The following LRRC4C variants were observed in gnomAD, a reference collection of about 807,000 sequenced individuals.
LRRC4C encodes leucine-rich repeat-containing protein 4C.
LRRC4C carries 5 observed loss-of-function variants against 33.6 expected under a neutral mutation model. The ratio of observed to expected loss-of-function variants is 0.15; its 90% CI spans 0.08 to 0.31. The LOEUF (loss-of-function observed/expected upper bound fraction) is 0.31, where lower values mean the gene tolerates loss of function less well. Among genes scored for constraint, LRRC4C ranks in the 10% least tolerant of loss-of-function variants. The probability of loss-of-function intolerance (pLI) is 1.00; values close to 1 mark genes in which losing one functional copy is unlikely to be tolerated. For synonymous variants in LRRC4C, 329 were observed against 302.0 expected (o/e 1.09, Z -0.93); for missense variants, 560 against 796.7 (o/e 0.70, Z 3.58).
chr11:40,683,378 T>C (rs899507223), intron 2 of LRRC4C, among the ~76,000 whole-genome samples: 2 of 152,316 alleles, frequency 1.3e-5, no homozygotes, highest in East Asian at 3.9e-4. Context: ...TAGGGACTGT[T>C]GCCTAATATA....
chr11:41,032,886 A>G (rs1360575984), intron 1 of LRRC4C, among the ~76,000 whole-genome samples: 1 of 152,058 alleles, frequency 6.6e-6, no homozygotes, highest in South Asian at 2.1e-4. Context: ...TTATTCACTC[A>G]TTCAGTCATA....
intron 3 of LRRC4C, among the ~76,000 whole-genome samples, chr11:40,370,180 C>T (rs753997780): frequency 6.6e-6 from 1 of 152,102 alleles, no homozygotes; most frequent in Non-Finnish European, 1.5e-5. Context: ...GAATTCAACA[C>T]CTGTGAAGAT....
chr11:41,262,217 T>A (rs1475918296), intron 1 of LRRC4C, among the ~76,000 whole-genome samples: 3 of 151,976 alleles, frequency 2.0e-5, no homozygotes, highest in Admixed American at 6.6e-5. Flanking sequence ...AATTAAAAAA[T>A]TTTCCAGTGA....
chr11:40,899,089 G>T (rs1010736257), intron 2 of LRRC4C, among the ~76,000 whole-genome samples: 2 of 91,622 alleles, frequency 2.2e-5, no homozygotes, highest in Non-Finnish European at 2.5e-5. Flanking sequence ...ATATGGATGT[G>T]GTCATTTTGA....
At chr11:41,083,146 C>T (rs2135495776) in intron 1 of LRRC4C, among the ~76,000 whole-genome samples, 1 of 152,068 alleles carries the variant, frequency 6.6e-6, no homozygotes, top group Admixed American at 6.6e-5. Context: ...AGCTATTTAG[C>T]AACTTGTGAA....
intron 1 of LRRC4C, among the ~76,000 whole-genome samples, chr11:41,029,176 G>T (rs1161098846): frequency 6.6e-6 from 1 of 151,682 alleles, no homozygotes; most frequent in Non-Finnish European, 1.5e-5. Context: ...GAATAGATGT[G>T]CTGACAAAGC....
intron 1 of LRRC4C, among the ~76,000 whole-genome samples, chr11:40,966,031 C>T (rs904424786): frequency 6.6e-6 from 1 of 151,838 alleles, no homozygotes; most frequent in East Asian, 1.9e-4. Flanking sequence ...TGTTTGTATC[C>T]TCTTTTATTT....
At chr11:40,630,907 A>G (rs945569107) in intron 3 of LRRC4C, among the ~76,000 whole-genome samples, 4 of 152,238 alleles carry the variant, frequency 2.6e-5, no homozygotes, top group Non-Finnish European at 4.4e-5. Flanking sequence ...TCATGAATAT[A>G]TTCATTTTCT....
intron 2 of LRRC4C, among the ~76,000 whole-genome samples, chr11:40,737,918 T>A (rs899911206): frequency 6.6e-6 from 1 of 151,942 alleles, no homozygotes; most frequent in Non-Finnish European, 1.5e-5. Flanking sequence ...AGCAAGACAA[T>A]CCTAAGCAAA....
chr11:40,506,731 T>C lies in LRRC4C; in HGVS notation c.-270+141411A>G, dbSNP rs11035876. ...GAAATTGGATTAGTCCTACAATATA[T>C]ATAATGCCTTATAATTTCATAGTAA... On this transcript the variant is annotated intron_variant, in intron 3 of 6. Transcript: ENST00000528697. Among the ~76,000 whole-genome samples, 1,018 of 152,190 alleles carry C rather than the reference T, an allele frequency of 6.7e-3. 16 individuals are homozygous for C. The highest frequency in any genetic ancestry group is 0.023 in the African/African-American group (976 of 41,554).
At chr11:40,301,107 T>C (rs1464113600) in intron 4 of LRRC4C, among the ~76,000 whole-genome samples, 2 of 152,152 alleles carry the variant, frequency 1.3e-5, no homozygotes, top group Non-Finnish European at 2.9e-5. Context: ...AAGGGGAGCA[T>C]GTTGACAGAC....
chr11:41,401,101 G>A (rs1045996809), intron 1 of LRRC4C, among the ~76,000 whole-genome samples: 1 of 151,920 alleles, frequency 6.6e-6, no homozygotes, highest in Admixed American at 6.6e-5. Flanking sequence ...GTTTTAGAAG[G>A]AAATGGAATT....
At chr11:40,480,925 G>A (rs576151204) in intron 3 of LRRC4C, among the ~76,000 whole-genome samples, 12 of 152,120 alleles carry the variant, frequency 7.9e-5, no homozygotes, top group African/African-American at 1.7e-4. Context: ...TTCAGGGCCT[G>A]AGGGTGGAAA....
chr11:41,225,636 T>A (rs1368724289), intron 1 of LRRC4C, among the ~76,000 whole-genome samples: 1 of 151,296 alleles, frequency 6.6e-6, no homozygotes, highest in Non-Finnish European at 1.5e-5. Flanking sequence ...CTGTCTTTAT[T>A]TTATTTATAT....
intron 3 of LRRC4C, among the ~76,000 whole-genome samples, chr11:40,490,121 TA>T (rs1447724950): frequency 6.6e-6 from 1 of 152,170 alleles, no homozygotes; most frequent in African/African-American, 2.4e-5. Flanking sequence ...ATTTGTTAAA[TA>T]AAATTTATAA....
chr11:41,318,361 A>T (rs538380096), intron 1 of LRRC4C, among the ~76,000 whole-genome samples: 1 of 152,304 alleles, frequency 6.6e-6, no homozygotes, highest in South Asian at 2.1e-4. Flanking sequence ...CTTTAACCTT[A>T]CCTGGTAGTG....
chr11:41,294,252 A>G (rs10768680), intron 1 of LRRC4C, among the ~76,000 whole-genome samples: 27,704 of 152,140 alleles, frequency 0.18, 3,102 homozygotes, highest in East Asian at 0.43. Context: ...AGCCTCAAAA[A>G]CAAAAAATCA....
At chr11:41,376,712 T>C (rs1445708076) in intron 1 of LRRC4C, among the ~76,000 whole-genome samples, 1 of 152,148 alleles carries the variant, frequency 6.6e-6, no homozygotes, top group African/African-American at 2.4e-5. Context: ...TGTGTATGTA[T>C]AATATACACA....
intron 3 of LRRC4C, among the ~76,000 whole-genome samples, chr11:40,530,766 T>C (rs1956241144): frequency 6.6e-6 from 1 of 152,090 alleles, no homozygotes; most frequent in African/African-American, 2.4e-5. Flanking sequence ...TAAGAACTGG[T>C]ATATGCCAAA....
Sources: allele counts gnomAD v4.1 joint callset (sites outside exome capture counted in the v4.1 genomes callset), GRCh38; gene constraint gnomAD v4.1.1; transcripts MANE v1.5; gene names NCBI Gene and HGNC (gene_info 2026-07-23, HGNC 2026-07-21).